The following LRRC20 variants were observed in gnomAD, a reference collection of about 807,000 sequenced individuals.
The protein encoded by LRRC20 is leucine rich repeat containing 20, also known as leucine-rich repeat-containing protein 20.
Under a neutral mutation model 14.4 loss-of-function variants are expected in LRRC20, and 11 were observed. That is an observed-to-expected ratio of 0.77 (90% CI 0.48 to 1.27). The LOEUF (loss-of-function observed/expected upper bound fraction) is 1.27, where lower values mean the gene tolerates loss of function less well. LRRC20 is among the 50% of genes most tolerant of loss of function. The pLI, the probability that LRRC20 is intolerant of heterozygous loss-of-function variation, is 0.00. For synonymous variants in LRRC20, 121 were observed against 107.3 expected (o/e 1.13, Z -0.79); for missense variants, 219 against 251.2 (o/e 0.87, Z 0.87).
intron 3 of LRRC20, among the ~76,000 whole-genome samples, chr10:70,339,406 G>A (rs1001526856): frequency 1.3e-5 from 2 of 152,196 alleles, no homozygotes; most frequent in Non-Finnish European, 2.9e-5. Flanking sequence ...TGTGAGGAAG[G>A]CTCCTGGAAG....
chr10:70,318,634 G>C (rs1044189283), intron 4 of LRRC20, among the ~76,000 whole-genome samples: 3 of 151,822 alleles, frequency 2.0e-5, no homozygotes, highest in Non-Finnish European at 4.4e-5. Flanking sequence ...TGCACCTGTG[G>C]TTCCAGGTAC....
chr10:70,334,665 G>A (rs1277846165), intron 3 of LRRC20, among the ~76,000 whole-genome samples: 1 of 152,142 alleles, frequency 6.6e-6, no homozygotes, highest in Non-Finnish European at 1.5e-5. Flanking sequence ...TGGCCTGTTA[G>A]GATGAACTCA....
intron 3 of LRRC20, among the ~76,000 whole-genome samples, chr10:70,337,663 T>C (rs954493156): frequency 2.6e-5 from 4 of 152,164 alleles, no homozygotes; most frequent in Admixed American, 6.5e-5. Context: ...CTTGCATCCA[T>C]ACCCAGGCCC....
chr10:70,356,636 A>G (rs375366367), intron 2 of LRRC20, among the ~76,000 whole-genome samples: 40 of 152,278 alleles, frequency 2.6e-4, no homozygotes, highest in African/African-American at 8.7e-4. Context: ...GCAGATCACG[A>G]GGTTAGGAGT....
chr10:70,329,885 T>C (rs1264070475), intron 3 of LRRC20, among the ~76,000 whole-genome samples: 1 of 152,182 alleles, frequency 6.6e-6, no homozygotes, highest in Non-Finnish European at 1.5e-5. Flanking sequence ...ATATAATAGA[T>C]TACACTGATT....
intron 2 of LRRC20, among the ~76,000 whole-genome samples, chr10:70,368,157 C>CT (rs373588441): frequency 0.9 from 92,508 of 102,822 alleles, 42,402 homozygotes; most frequent in East Asian, 0.96. Flanking sequence ...CTAATTTTTG[C>CT]TTTTTTTTTT....
At position 70,301,485 on chromosome 10, in the gene LRRC20, C is replaced by A. The variant is rs116808853; in HGVS notation, c.424G>T (p.Ala142Ser). Reference protein sequence around the residue: ...IVDVPVEKLAAMPALRSINLR... With the variant: ...IVDVPVEKLASMPALRSINLR... ...TTGATGCTGCGCAAGGCTGGCATGG[C>A]GGCCAGCTTCTCCACGGGCACATCT... Residue 142 changes from alanine (A) to serine (S), a missense_variant, in exon 5 of 5, where the codon GCC becomes TCC. Physicochemically the swap from Ala to Ser is moderately conservative, Grantham distance 99. Transcript: ENST00000446961. The A allele has an allele frequency of 1.9e-6, 3 of 1,613,968 alleles. No individual in the cohort carries two copies. The highest frequency in any genetic ancestry group is 2.5e-6 in the Non-Finnish European group (3 of 1,179,990).
At chr10:70,307,699 G>A (rs930875859) in intron 4 of LRRC20, among the ~76,000 whole-genome samples, 3 of 152,362 alleles carry the variant, frequency 2.0e-5, no homozygotes, top group Non-Finnish European at 4.4e-5. Flanking sequence ...GAGTGGGTGG[G>A]TAGTGGTTAT....
At chr10:70,350,000 A>T (rs1843236332) in intron 2 of LRRC20, among the ~76,000 whole-genome samples, 1 of 152,220 alleles carries the variant, frequency 6.6e-6, no homozygotes, top group Admixed American at 6.5e-5. Context: ...CCACAGCATG[A>T]GCAAAGGACT....
At chr10:70,322,886 C>T (rs1007798702) in intron 4 of LRRC20, among the ~76,000 whole-genome samples, 13 of 151,892 alleles carry the variant, frequency 8.6e-5, no homozygotes, top group South Asian at 4.1e-4. Context: ...CCTGTGGCAC[C>T]GCTGACAGAT....
intron 4 of LRRC20, among the ~76,000 whole-genome samples, chr10:70,314,551 G>A (rs1841787439): frequency 6.6e-6 from 1 of 152,182 alleles, no homozygotes; most frequent in Non-Finnish European, 1.5e-5. Context: ...CAACTACATT[G>A]AGAGCTTTAA....
intron 3 of LRRC20, among the ~76,000 whole-genome samples, chr10:70,330,394 A>C (rs1842492561): frequency 6.6e-6 from 1 of 150,398 alleles, no homozygotes; most frequent in African/African-American, 2.4e-5. Flanking sequence ...TTATAAGAAT[A>C]AAGTTGTTTA....
At chr10:70,379,696 G>A (rs1844637516) in intron 1 of LRRC20, among the ~76,000 whole-genome samples, 1 of 152,188 alleles carries the variant, frequency 6.6e-6, no homozygotes, top group Admixed American at 6.6e-5. Flanking sequence ...CCAGGGTAGG[G>A]GGTAGGCCTG....
intron 4 of LRRC20, among the ~76,000 whole-genome samples, chr10:70,302,510 A>G (rs1841235454): frequency 6.6e-6 from 1 of 152,116 alleles, no homozygotes; most frequent in Non-Finnish European, 1.5e-5. Flanking sequence ...TGGAGTGATG[A>G]AAATATTTTG....
intron 2 of LRRC20, among the ~76,000 whole-genome samples, chr10:70,362,127 G>C (rs1312914363): frequency 1.3e-5 from 2 of 152,244 alleles, no homozygotes; most frequent in African/African-American, 2.4e-5. Flanking sequence ...GGAGGTTGCA[G>C]TGAGCTGAGA....
At chr10:70,335,424 C>G (rs916905076) in intron 3 of LRRC20, among the ~76,000 whole-genome samples, 2 of 152,232 alleles carry the variant, frequency 1.3e-5, no homozygotes, top group African/African-American at 4.8e-5. Context: ...TCCCGACCAA[C>G]CAAAGCCGCT....
intron 3 of LRRC20, among the ~76,000 whole-genome samples, chr10:70,329,491 T>C (rs1564623136): frequency 1.3e-5 from 2 of 152,160 alleles, no homozygotes; most frequent in Admixed American, 6.5e-5. Context: ...ATTTCTAGTG[T>C]ACTGAGAGTT....
In LRRC20 at chr10:70,346,468, C is replaced by T. The variant is rs1247714580; in HGVS notation, c.83-5766G>A. On this transcript the variant is annotated intron_variant, in intron 2 of 4. Transcript: ENST00000446961. Reference sequence around the variant, plus strand: ...TTGTTTCCCCTATGGAAAATCCTATCCATGTCTCACTATTTTTCTACTTGG... The same window carrying T: ...TTGTTTCCCCTATGGAAAATCCTATTCATGTCTCACTATTTTTCTACTTGG... 2.0e-5 allele frequency among the ~76,000 whole-genome samples: 3 copies of T among 152,280 alleles called. No individual in the cohort carries two copies. The East Asian group carries it at 5.8e-4, about 29-fold the overall frequency.
intron 4 of LRRC20, among the ~76,000 whole-genome samples, chr10:70,308,668 A>G (rs1175077020): frequency 6.6e-6 from 1 of 150,602 alleles, no homozygotes; most frequent in African/African-American, 2.4e-5. Flanking sequence ...ACCATGTGAC[A>G]GGCGAGCGAG....
Sources: allele counts gnomAD v4.1 joint callset (sites outside exome capture counted in the v4.1 genomes callset), GRCh38; gene constraint gnomAD v4.1.1; transcripts MANE v1.5; gene names NCBI Gene and HGNC (gene_info 2026-07-23, HGNC 2026-07-21).